SPSB1: variants seen among roughly 807,000 people sequenced by gnomAD.
SPSB1 encodes splA/ryanodine receptor domain and SOCS box containing 1.
In SPSB1, 8 loss-of-function variants were observed where a neutral mutation model predicts 21.2. That is an observed-to-expected ratio of 0.38 (90% CI 0.22 to 0.68). The LOEUF (loss-of-function observed/expected upper bound fraction) is 0.68, where lower values mean the gene tolerates loss of function less well. Ranked by LOEUF, SPSB1 falls within the 30% of genes least tolerant of loss-of-function variation. The pLI is 0.53. For synonymous variants in SPSB1, 169 were observed against 161.7 expected (o/e 1.05, Z -0.34); for missense variants, 242 against 377.8 (o/e 0.64, Z 2.98).
chr1:9,330,800 C>A (rs972959201), intron 1 of SPSB1, among the ~76,000 whole-genome samples: 3 of 152,006 alleles, frequency 2.0e-5, no homozygotes, highest in Non-Finnish European at 4.4e-5. Flanking sequence ...AGTACATTAC[C>A]GGATCGTACG....
chr1:9,309,297 A>AGTGTGT (rs1190863090), intron 1 of SPSB1, among the ~76,000 whole-genome samples: 1 of 112,028 alleles, frequency 8.9e-6, no homozygotes, highest in African/African-American at 3.9e-5. Context: ...AGAGAGAGAG[A>AGTGTGT]GAGAGTGTGT....
At chr1:9,337,868 A>T (rs926798906) in intron 1 of SPSB1, among the ~76,000 whole-genome samples, 2 of 152,198 alleles carry the variant, frequency 1.3e-5, no homozygotes, top group African/African-American at 4.8e-5. Flanking sequence ...AGCATGGGGA[A>T]AAACAGACCC....
At position 9,305,962 on chromosome 1, in the gene SPSB1, C is replaced by T. The variant is rs1338171447; in HGVS notation, c.-150+12891C>T. On this transcript the variant is annotated intron_variant, in intron 1 of 2. Coordinates refer to ENST00000328089, the MANE Select transcript of SPSB1 (RefSeq NM_025106.4). The surrounding 1 kb of genome is among the most constrained non-coding windows in gnomAD (Gnocchi z 4.8). ...ATGAGTGCAGAGAGGCAGGAGGGCC[C>T]ACAGACCTGGGGACATTTGTGCAAT... Among the ~76,000 whole-genome samples the T allele has an allele frequency of 6.6e-6, 1 of 152,132 alleles. No individual in the cohort carries two copies. Among genetic ancestry groups the T allele is most frequent in the Non-Finnish European group, 1.5e-5 (1 of 68,024 alleles).
intron 1 of SPSB1, among the ~76,000 whole-genome samples, chr1:9,332,600 G>A (rs1274237079): frequency 1.3e-5 from 2 of 152,158 alleles, no homozygotes; most frequent in African/African-American, 2.4e-5. Flanking sequence ...ACGGAGGGAG[G>A]TCCTGTGGAG....
intron 1 of SPSB1, among the ~76,000 whole-genome samples, chr1:9,307,965 AG>A: frequency 6.6e-6 from 1 of 152,170 alleles, no homozygotes; most frequent in East Asian, 1.9e-4. Context: ...ACCGACCCTG[AG>A]GCTGGGAGTC....
In SPSB1 at chr1:9,293,090, C is replaced by T. The variant is rs1174889207; in HGVS notation, c.-150+19C>T. The T allele has an allele frequency of 8.2e-6, 8 of 977,786 alleles. No homozygotes were observed. Among genetic ancestry groups the T allele is most frequent in the Non-Finnish European group, 8.5e-6 (7 of 824,660 alleles). 60.6% of individuals were successfully genotyped at this position (977,786 alleles called of 1,614,324 possible). On this transcript the variant is annotated intron_variant, in intron 1 of 2. Coordinates refer to ENST00000328089, the MANE Select transcript of SPSB1 (RefSeq NM_025106.4). This position sits in a 1 kb window ranked among gnomAD's most constrained non-coding sequence, Gnocchi z 5.1. ...GGGCGCGGTAGGCGGCGCGGGGCAC[C>T]TGGGACCCCGATGGGTGGGCGACCG...
At chr1:9,361,156 C>CCCTTTTTTTTTTTTTTTTTTTTT (rs1553128958) in intron 2 of SPSB1, among the ~76,000 whole-genome samples, 1 of 102,578 alleles carries the variant, frequency 9.7e-6, no homozygotes, top group East Asian at 2.9e-4. Flanking sequence ...CTGTCATTTT[C>CCCTTTTTTTTTTTTTTTTTTTTT]TTTTTTTTTT....
chr1:9,339,257 A>G, intron 1 of SPSB1: 9 of 985,350 alleles, frequency 9.1e-6, no homozygotes, highest in Non-Finnish European at 9.6e-6. Context: ...CGAGAACTCC[A>G]GGTCCCCCGG....
rs147734161 is a variant in SPSB1, at chr1:9,303,945, T to C, written c.-150+10874T>C. On this transcript the variant is annotated intron_variant, in intron 1 of 2. Coordinates refer to ENST00000328089, the MANE Select transcript of SPSB1 (RefSeq NM_025106.4). ...TCTGCTGACAGGGAAGCCCAGTGGTTTGGCATTTGTGTAGAATGATTGGGC... is the reference window on the plus strand; with the variant it reads ...TCTGCTGACAGGGAAGCCCAGTGGTCTGGCATTTGTGTAGAATGATTGGGC... Among the ~76,000 whole-genome samples the C allele has an allele frequency of 3.1e-3, 469 of 152,368 alleles. 3 individuals are homozygous for C. The highest frequency in any genetic ancestry group is 0.011 in the African/African-American group (450 of 41,600).
chr1:9,342,461 T>G (rs479043), intron 1 of SPSB1, among the ~76,000 whole-genome samples: 50,190 of 151,782 alleles, frequency 0.33, 8,786 homozygotes, highest in African/African-American at 0.47. Context: ...CAGTGGCTTG[T>G]CAATTCGCTG....
Position 9,351,232 on chromosome 1 carries a change from G to T in SPSB1, c.-149-4511G>T, listed in dbSNP as rs1640254301. Among the ~76,000 whole-genome samples, 4 of 152,238 alleles carry T rather than the reference G, an allele frequency of 2.6e-5. 1 individual carries two copies. In the South Asian group the frequency reaches 8.3e-4, roughly 31 times the overall value. The stretch of plus-strand genomic sequence containing the variant: ...ATCTGGCCCCTGATGGAAGAAGTTT[G>T]CTGACCCCTGGTTTAGAAGGGACCT... On this transcript the variant is annotated intron_variant, in intron 1 of 2. Transcript: ENST00000328089.
intron 1 of SPSB1, among the ~76,000 whole-genome samples, chr1:9,330,935 C>G: frequency 6.7e-6 from 1 of 149,782 alleles, no homozygotes; most frequent in South Asian, 2.1e-4. Flanking sequence ...TTTTCTGCGT[C>G]TTTTTTTTTT....
At chr1:9,347,260 GT>G (rs1331102370) in intron 1 of SPSB1, among the ~76,000 whole-genome samples, 4 of 152,226 alleles carry the variant, frequency 2.6e-5, no homozygotes, top group African/African-American at 9.6e-5. Context: ...ACATTACGCT[GT>G]GCTTGCTTTA....
intron 1 of SPSB1, among the ~76,000 whole-genome samples, chr1:9,296,911 A>T (rs1027875783): frequency 2.0e-5 from 3 of 152,202 alleles, no homozygotes; most frequent in Non-Finnish European, 2.9e-5. Flanking sequence ...TTTGTGTTTT[A>T]AAAGTTCTGT....
chr1:9,332,659 G>A (rs921976096), intron 1 of SPSB1, among the ~76,000 whole-genome samples: 3 of 152,204 alleles, frequency 2.0e-5, no homozygotes, highest in South Asian at 2.1e-4. Context: ...AAGAACAGGC[G>A]GAGGAGCTGA....
At position 9,299,987 on chromosome 1, in the gene SPSB1, C is replaced by T. The variant is rs552574221; in HGVS notation, c.-150+6916C>T. On this transcript the variant is annotated intron_variant, in intron 1 of 2. Coordinates refer to ENST00000328089, the MANE Select transcript of SPSB1 (RefSeq NM_025106.4). ...TCAAAAAAAAAAAAAAAAAAAGGGT[C>T]TCATGCTGGTCCATTACATTGATGT... Among the ~76,000 whole-genome samples the T allele has an allele frequency of 2.7e-5, 4 of 147,498 alleles. No homozygotes were observed. The East Asian group carries it at 7.9e-4, about 29-fold the overall frequency.
intron 1 of SPSB1, among the ~76,000 whole-genome samples, chr1:9,319,248 G>A (rs989197872): frequency 2.6e-5 from 4 of 152,166 alleles, no homozygotes; most frequent in Admixed American, 1.3e-4. Flanking sequence ...GGGGACCAGG[G>A]GGGTGGCACA....
At position 9,356,365 on chromosome 1, in the gene SPSB1, C is replaced by A. The variant is rs753465487; in HGVS notation, c.474C>A (p.Ser158Arg). The change falls in exon 2 of 3, where the codon AGC becomes AGA. Residue 158 changes from serine to arginine, a missense_variant. Physicochemically the swap from Ser to Arg is moderately radical, Grantham distance 110 (BLOSUM62 -1). Transcript: ENST00000328089. This position sits in a 1 kb window ranked among gnomAD's most constrained non-coding sequence, Gnocchi z 7.4. ...RLYHDGKNQP[S>R]KTYPAFLEPD... ...ACCACGATGGCAAGAACCAGCCAAGCAAAACATACCCAGCCTTTCTGGAAC... is the reference window on the plus strand; with the variant it reads ...ACCACGATGGCAAGAACCAGCCAAGAAAAACATACCCAGCCTTTCTGGAAC... 6.2e-7 allele frequency: 1 copy of A among 1,614,130 alleles called. No individual in the cohort carries two copies. The highest frequency in any genetic ancestry group is 1.7e-5 in the Admixed American group (1 of 60,032).
intron 2 of SPSB1, among the ~76,000 whole-genome samples, chr1:9,362,466 C>T (rs976756186): frequency 6.6e-6 from 1 of 152,262 alleles, no homozygotes; most frequent in Non-Finnish European, 1.5e-5. Context: ...CGACCCGTGA[C>T]ATTCTAGAAT....
Sources: allele counts gnomAD v4.1 joint callset (sites outside exome capture counted in the v4.1 genomes callset), GRCh38; gene constraint gnomAD v4.1.1; non-coding constraint Gnocchi (gnomAD v3.1); transcripts MANE v1.5; gene names NCBI Gene and HGNC (gene_info 2026-07-23, HGNC 2026-07-21).